Variants in TMEM212 observed in about 807,000 individuals in gnomAD.
The protein encoded by TMEM212 is transmembrane protein 212.
A neutral mutation model predicts 20.5 loss-of-function variants in TMEM212; 23 were observed. The observed-to-expected ratio is 1.12, with a 90% confidence interval of 0.81 to 1.59. The LOEUF (loss-of-function observed/expected upper bound fraction) is 1.59. Among genes scored for constraint, TMEM212 ranks in the 40% most tolerant of loss-of-function variants. TMEM212 has a pLI of 0.00. For missense variants in TMEM212, 211 were observed against 215.0 expected (o/e 0.98, Z 0.12); for synonymous variants, 76 against 81.6 (o/e 0.93, Z 0.37).
At chr3:171,853,426 G>A (rs1339286452) in intron 2 of TMEM212, 101 bp from the exon 3 acceptor site, 7 of 968,768 alleles carry the variant, frequency 7.2e-6, no homozygotes, top group Non-Finnish European at 1.0e-5. Context: ...TCCAATAGGA[G>A]AGATTCATAG....
chr3:171,851,895 T>G, intron 1 of TMEM212, 87 bp from the exon 2 acceptor site: 1 of 1,196,732 alleles, frequency 8.4e-7, no homozygotes, highest in Non-Finnish European at 1.2e-6. Context: ...AAGTTCATGA[T>G]AAAGTTGTCA....
intron 1 of TMEM212, among the ~76,000 whole-genome samples, chr3:171,844,938 T>C (rs940614447): frequency 3.3e-5 from 5 of 152,152 alleles, no homozygotes. Context: ...TTGATGAATG[T>C]GTGCAGATAG....
intron 1 of TMEM212, among the ~76,000 whole-genome samples, chr3:171,845,011 CTT>C (rs1370377559): frequency 1.3e-5 from 2 of 152,096 alleles, no homozygotes; most frequent in African/African-American, 4.8e-5. Context: ...TTATCTTTCT[CTT>C]TCTCAGTTTT....
Position 171,849,194 on chromosome 3 carries a change from C to T in TMEM212, c.160-2788C>T, listed in dbSNP as rs150990991. ...AGACTGAGCTGCCCTCCCTCTGTCA[C>T]CTCCCATTGAAATCACATCCATCCT... is the stretch of plus-strand genomic sequence containing the variant. On this transcript the variant is annotated intron_variant, in intron 1 of 4. Coordinates refer to ENST00000334567, the MANE Select transcript of TMEM212 (RefSeq NM_001164436.2). 5.7e-4 allele frequency among the ~76,000 whole-genome samples: 87 copies of T among 152,204 alleles called. No individual in the cohort carries two copies. In the East Asian group the frequency reaches 0.017, roughly 29 times the overall value.
chr3:171,849,668 T>C (rs1444116889), intron 1 of TMEM212, among the ~76,000 whole-genome samples: 1 of 152,238 alleles, frequency 6.6e-6, no homozygotes, highest in Non-Finnish European at 1.5e-5. Context: ...ATTAACCATA[T>C]TAATATGATA....
chr3:171,844,232 A>G (rs1236747825), intron 1 of TMEM212, among the ~76,000 whole-genome samples: 1 of 152,174 alleles, frequency 6.6e-6, no homozygotes, highest in Non-Finnish European at 1.5e-5. Context: ...CCAACCAAAA[A>G]AAAATGGGCA....
intron 1 of TMEM212, among the ~76,000 whole-genome samples, chr3:171,850,478 C>T (rs1724949880): frequency 1.3e-5 from 2 of 152,222 alleles, no homozygotes; most frequent in Non-Finnish European, 2.9e-5. Context: ...CAGCTATCTA[C>T]TCAGAGTTAA....
intron 3 of TMEM212, among the ~76,000 whole-genome samples, chr3:171,855,738 TC>T (rs1216034550): frequency 6.6e-6 from 1 of 152,172 alleles, no homozygotes; most frequent in Admixed American, 6.5e-5. Context: ...ATCTTAGTAA[TC>T]TGTGATAAAA....
intron 1 of TMEM212, among the ~76,000 whole-genome samples, chr3:171,847,323 T>C (rs6809064): frequency 1 from 152,356 of 152,362 alleles, 76,175 homozygotes; most frequent in Middle Eastern, 1. Flanking sequence ...TGCAGCGCTG[T>C]ACCCAGAGCC....
intron 1 of TMEM212, among the ~76,000 whole-genome samples, chr3:171,848,810 T>C (rs992293805): frequency 4.6e-5 from 7 of 151,948 alleles, no homozygotes; most frequent in Non-Finnish European, 7.4e-5. Context: ...ATAAAATGTA[T>C]TCGTTATTGT....
chr3:171,848,880 C>T (rs1454846250), intron 1 of TMEM212, among the ~76,000 whole-genome samples: 1 of 151,060 alleles, frequency 6.6e-6, no homozygotes, highest in East Asian at 1.9e-4. Context: ...CTAGGCCTCC[C>T]CGTATTCCAA....
intron 1 of TMEM212, among the ~76,000 whole-genome samples, chr3:171,850,581 G>A (rs891492163): frequency 2.0e-5 from 3 of 152,176 alleles, no homozygotes; most frequent in African/African-American, 7.2e-5. Context: ...TGAGGGCCAT[G>A]CCTCCCAAAG....
chr3:171,855,624 T>C (rs965467177), intron 3 of TMEM212, among the ~76,000 whole-genome samples: 4 of 152,188 alleles, frequency 2.6e-5, no homozygotes, highest in Admixed American at 6.5e-5. Context: ...GGTAGTGAAA[T>C]ATTTCCACAT....
At chr3:171,845,231 A>G (rs1243037285) in intron 1 of TMEM212, among the ~76,000 whole-genome samples, 1 of 152,128 alleles carries the variant, frequency 6.6e-6, no homozygotes, top group African/African-American at 2.4e-5. Context: ...TTAGGTGAGG[A>G]CCCAGAATGT....
Position 171,853,684 on chromosome 3 carries a change from A to G in TMEM212, c.377A>G (p.Tyr126Cys), listed in dbSNP as rs1725043861. Residue 126 changes from tyrosine to cysteine, a missense_variant, in exon 3 of 5, where the codon TAT becomes TGT. Transcript: ENST00000334567. ...NYLGYAVTFP[Y>C]PYAKFPLACV... Reference sequence around the variant, plus strand: ...CTTGGCTATGCAGTTACCTTTCCTTATCCATATGCAAAATTCCCATTAGCC... The same window carrying G: ...CTTGGCTATGCAGTTACCTTTCCTTGTCCATATGCAAAATTCCCATTAGCC... 2 of 1,537,256 alleles carry G rather than the reference A, an allele frequency of 1.3e-6. No homozygotes were observed. Among genetic ancestry groups the G allele is most frequent in the African/African-American group, 1.4e-5 (1 of 72,956 alleles).
intron 1 of TMEM212, among the ~76,000 whole-genome samples, chr3:171,851,517 G>A (rs1179340001): frequency 1.3e-5 from 2 of 152,224 alleles, no homozygotes; most frequent in Non-Finnish European, 2.9e-5. Context: ...AGCAGGCTGA[G>A]GCTATGGAAT....
chr3:171,851,192 G>C (rs1047730988), intron 1 of TMEM212, among the ~76,000 whole-genome samples: 1 of 152,174 alleles, frequency 6.6e-6, no homozygotes, highest in Non-Finnish European at 1.5e-5. Context: ...GATATATGCG[G>C]ATTAAGAATA....
chr3:171,850,215 G>C (rs555797038), intron 1 of TMEM212, among the ~76,000 whole-genome samples: 1 of 152,280 alleles, frequency 6.6e-6, no homozygotes, highest in Admixed American at 6.5e-5. Flanking sequence ...CAATAAAGAT[G>C]GGTGCGCTAA....
At chr3:171,851,941 C>T in intron 1 of TMEM212, 41 bp from the exon 2 acceptor site, 1 of 1,516,018 alleles carries the variant, frequency 6.6e-7, no homozygotes, top group Non-Finnish European at 8.9e-7. Context: ...CCAGAGGTAC[C>T]TTCTGTGGTG....
Sources: gnomAD v4.1 joint callset for allele counts (sites outside exome capture counted in the v4.1 genomes callset) on GRCh38, gnomAD v4.1.1 for gene constraint, MANE v1.5 for transcripts, NCBI Gene and HGNC (gene_info 2026-07-23, HGNC 2026-07-21) for gene names.